NTRK2: variants seen among roughly 807,000 people sequenced by gnomAD.
The protein encoded by NTRK2 is neurotrophic receptor tyrosine kinase 2.
In NTRK2, 13 loss-of-function variants were observed where a neutral mutation model predicts 94.5. The ratio of observed to expected loss-of-function variants is 0.14; its 90% CI spans 0.09 to 0.22. The LOEUF (loss-of-function observed/expected upper bound fraction) is 0.22, where lower values mean the gene tolerates loss of function less well. Ranked by LOEUF, NTRK2 falls within the 10% of genes least tolerant of loss-of-function variation. The pLI, the probability that NTRK2 is intolerant of heterozygous loss-of-function variation, is 1.00. For missense variants in NTRK2, 639 were observed against 1,071.2 expected (o/e 0.60, Z 5.63); for synonymous variants, 372 against 407.4 (o/e 0.91, Z 1.05).
At chr9:84,792,256 A>T (rs2068811074) in intron 12 of NTRK2, among the ~76,000 whole-genome samples, 1 of 152,250 alleles carries the variant, frequency 6.6e-6, no homozygotes, top group African/African-American at 2.4e-5. Context: ...TTTGATTAAT[A>T]TGCTTCAAAC....
chr9:84,905,404 T>G (rs1008274874), intron 14 of NTRK2, among the ~76,000 whole-genome samples: 1 of 152,050 alleles, frequency 6.6e-6, no homozygotes, highest in African/African-American at 2.4e-5. Context: ...AATTTTCTGC[T>G]TCACCTGAAG....
intron 2 of NTRK2, among the ~76,000 whole-genome samples, chr9:84,684,856 A>G (rs1759345652): frequency 6.6e-6 from 1 of 152,190 alleles, no homozygotes; most frequent in Non-Finnish European, 1.5e-5. Context: ...AAAAAATAAT[A>G]AAATTTGTAC....
intron 12 of NTRK2, chr9:84,812,999 T>C (rs185330738): frequency 4.6e-5 from 48 of 1,035,854 alleles, no homozygotes; most frequent in Admixed American, 1.7e-4. Flanking sequence ...TAGCTTCTCT[T>C]TTCTGTACTC....
At chr9:84,724,084 G>T in intron 7 of NTRK2, 140 bp from the exon 8 acceptor site, 1 of 869,694 alleles carries the variant, frequency 1.1e-6, no homozygotes. Flanking sequence ...TTACTTCTTC[G>T]CCTGAGCCCA....
At chr9:84,843,620 T>C (rs1357472320) in intron 12 of NTRK2, among the ~76,000 whole-genome samples, 1 of 152,182 alleles carries the variant, frequency 6.6e-6, no homozygotes, top group African/African-American at 2.4e-5. Flanking sequence ...AGCTTGGCCC[T>C]GCCCTCAGTC....
At chr9:84,723,466 T>C in intron 6 of NTRK2, 107 bp from the exon 7 acceptor site, 2 of 1,310,054 alleles carry the variant, frequency 1.5e-6, no homozygotes, top group Non-Finnish European at 2.2e-6. Flanking sequence ...CAAAAAGCAA[T>C]TAAAGATTGA....
chr9:84,995,213 A>G (rs966194310), intron 17 of NTRK2, among the ~76,000 whole-genome samples: 8 of 152,216 alleles, frequency 5.3e-5, no homozygotes, highest in African/African-American at 1.9e-4. Context: ...CATGTGCTGT[A>G]GAAAGCCCTG....
chr9:84,699,003 T>G (rs1296185263), intron 2 of NTRK2, among the ~76,000 whole-genome samples: 4 of 151,984 alleles, frequency 2.6e-5, no homozygotes, highest in Admixed American at 6.6e-5. Flanking sequence ...GAGGGGGAAT[T>G]CTTAGGATCT....
intron 17 of NTRK2, among the ~76,000 whole-genome samples, chr9:85,004,547 C>T (rs2378675): frequency 5.3e-5 from 8 of 151,438 alleles, no homozygotes; most frequent in Admixed American, 1.3e-4. Context: ...CACATAAATA[C>T]GTGTTTTGTT....
At chr9:85,002,446 T>C (rs1203857006) in intron 17 of NTRK2, among the ~76,000 whole-genome samples, 1 of 152,198 alleles carries the variant, frequency 6.6e-6, no homozygotes, top group Non-Finnish European at 1.5e-5. Flanking sequence ...TTTATAATGC[T>C]CAGTTTGGGT....
chr9:84,787,483 T>C (rs535356878), intron 12 of NTRK2, among the ~76,000 whole-genome samples: 1 of 152,298 alleles, frequency 6.6e-6, no homozygotes, highest in Non-Finnish European at 1.5e-5. Context: ...TAGGATGACA[T>C]GAACTGATCC....
At chr9:84,874,820 T>C in intron 14 of NTRK2, 1 of 1,058,052 alleles carries the variant, frequency 9.5e-7, no homozygotes, top group Non-Finnish European at 1.1e-6. Context: ...AGGCAGTTCC[T>C]GTTATGTGAA....
rs200749046 is a variant in NTRK2, at chr9:85,021,455, C to G, written c.*18C>G. 1.2e-6 allele frequency: 2 copies of G among 1,613,262 alleles called. No individual in the cohort carries two copies. Among genetic ancestry groups the G allele is most frequent in the South Asian group, 1.1e-5 (1 of 91,026 alleles). ...TAGGCTAGGGCCCTTTTCCCCAGAC[C>G]GATCCTTCCCAACGTACTCCTCAGA... On this transcript the variant is annotated 3_prime_UTR_variant, in exon 19 of 19. Transcript: ENST00000277120.
intron 6 of NTRK2, among the ~76,000 whole-genome samples, chr9:84,717,828 A>G (rs1364839365): frequency 6.6e-6 from 1 of 152,192 alleles, no homozygotes; most frequent in Non-Finnish European, 1.5e-5. Flanking sequence ...AATGAAAATA[A>G]AGCCACAACA....
intron 14 of NTRK2, among the ~76,000 whole-genome samples, chr9:84,887,022 G>A (rs559309392): frequency 6.6e-6 from 1 of 152,228 alleles, no homozygotes; most frequent in Non-Finnish European, 1.5e-5. Flanking sequence ...CTGTCTAAAC[G>A]CGCTGAGGGT....
chr9:84,729,187 A>G lies in NTRK2; in HGVS notation c.1159+1228A>G, dbSNP rs371766860. Among the ~76,000 whole-genome samples the G allele has an allele frequency of 4.6e-5, 7 of 152,222 alleles. No individual in the cohort carries two copies. The East Asian group carries it at 5.8e-4, about 13-fold the overall frequency. ...AGAATGCAGTCCTTCTCATTACATG[A>G]TAAGTTCCTATTATTTTGCTCTTCA... On this transcript the variant is annotated intron_variant, in intron 9 of 18. Coordinates refer to ENST00000277120, the MANE Select transcript of NTRK2 (RefSeq NM_006180.6).
intron 2 of NTRK2, among the ~76,000 whole-genome samples, chr9:84,697,967 T>C (rs1177829664): frequency 6.6e-6 from 1 of 152,190 alleles, no homozygotes; most frequent in East Asian, 1.9e-4. Flanking sequence ...TGTCTCTTTC[T>C]TTTCTTTTTT....
intron 12 of NTRK2, chr9:84,810,547 G>A (rs1324846934): frequency 6.2e-7 from 1 of 1,613,636 alleles, no homozygotes; most frequent in Admixed American, 1.7e-5. Flanking sequence ...TTTAGGTTTT[G>A]TTTTGTTTCA....
intron 11 of NTRK2, among the ~76,000 whole-genome samples, chr9:84,750,256 C>A (rs549336204): frequency 2.0e-5 from 3 of 151,906 alleles, no homozygotes; most frequent in Admixed American, 6.6e-5. Flanking sequence ...CCCTGGATGG[C>A]AATATTATTG....
Sources: gnomAD v4.1 joint callset for allele counts (sites outside exome capture counted in the v4.1 genomes callset) on GRCh38, gnomAD v4.1.1 for gene constraint, MANE v1.5 for transcripts, NCBI Gene and HGNC (gene_info 2026-07-23, HGNC 2026-07-21) for gene names.